Variants in RCAN3 observed in about 807,000 individuals in gnomAD.
The protein encoded by RCAN3 is calcipressin-3.
Under a neutral mutation model 21.9 loss-of-function variants are expected in RCAN3, and 19 were observed. That is an observed-to-expected ratio of 0.87 (90% CI 0.61 to 1.27). The LOEUF (loss-of-function observed/expected upper bound fraction) is 1.27. RCAN3 is among the 50% of genes most tolerant of loss of function. RCAN3 has a pLI of 0.00. For missense variants in RCAN3, 240 were observed against 300.1 expected (o/e 0.80, Z 1.48); for synonymous variants, 114 against 112.3 (o/e 1.01, Z -0.09).
In RCAN3 at chr1:24,525,912, T is replaced by G. The variant is rs562287719; in HGVS notation, c.196-5306T>G. ...TAACCATTTTTCACAAATAGGAAAC[T>G]GATGGTTTTGCCTCCAAGTTAATTC... On this transcript the variant is annotated intron_variant, in intron 2 of 4. Coordinates refer to ENST00000374395, the MANE Select transcript of RCAN3 (RefSeq NM_013441.4). This position sits in a 1 kb window ranked among gnomAD's most constrained non-coding sequence, Gnocchi z 4.1. Among the ~76,000 whole-genome samples the G allele has an allele frequency of 6.6e-6, 1 of 152,286 alleles. No homozygotes were observed. Among genetic ancestry groups the G allele is most frequent in the South Asian group, 2.1e-4 (1 of 4,826 alleles).
chr1:24,514,964 G>A (rs1648181358), intron 2 of RCAN3, among the ~76,000 whole-genome samples: 1 of 106,774 alleles, frequency 9.4e-6, no homozygotes. Context: ...GTGAGACTCT[G>A]TCTCAAAAAA....
chr1:24,518,011 A>G (rs369357345), intron 2 of RCAN3, among the ~76,000 whole-genome samples: 2 of 152,226 alleles, frequency 1.3e-5, no homozygotes, highest in South Asian at 2.1e-4. Context: ...CCCGATTGCA[A>G]TTAAACACTT....
chr1:24,530,556 A>G (rs1649680389), intron 2 of RCAN3, among the ~76,000 whole-genome samples: 1 of 152,156 alleles, frequency 6.6e-6, no homozygotes, highest in Non-Finnish European at 1.5e-5. Context: ...TTGAAGGAGG[A>G]AAGGAATGTG....
At chr1:24,506,450 T>C (rs1346735803) in intron 1 of RCAN3, among the ~76,000 whole-genome samples, 1 of 152,206 alleles carries the variant, frequency 6.6e-6, no homozygotes, top group East Asian at 1.9e-4. Flanking sequence ...TTAAATTTCC[T>C]GTTTTTGATA....
chr1:24,528,495 T>C (rs1649461036), intron 2 of RCAN3, among the ~76,000 whole-genome samples: 1 of 152,136 alleles, frequency 6.6e-6, no homozygotes, highest in African/African-American at 2.4e-5. Context: ...AGGTTAGAAG[T>C]AAAGGCTGAA....
chr1:24,524,838 T>G (rs1310715562), intron 2 of RCAN3, among the ~76,000 whole-genome samples: 2 of 149,872 alleles, frequency 1.3e-5, no homozygotes, highest in Admixed American at 6.6e-5. Flanking sequence ...GTTTTTTTTT[T>G]TTTTTTTTTG....
rs1303810774 is a variant in RCAN3 at position 24,533,128 on chromosome 1, C to T, written c.415C>T (p.Pro139Ser). Residue 139 changes from proline to serine, a missense_variant, in exon 4 of 5, where the codon CCC (proline) becomes TCC (serine). Transcript: ENST00000374395. ...GCGGGACAAGTCCTATCTCCTGCCG[C>T]CCCAGCCTGTCAAGCAGTTCCTCAT... is the stretch of plus-strand genomic sequence containing the variant. ...EVRDKSYLLP[P>S]QPVKQFLISP... 2 of 1,579,018 alleles carry T rather than the reference C, an allele frequency of 1.3e-6. No homozygotes were observed. The highest frequency in any genetic ancestry group is 1.7e-6 in the Non-Finnish European group (2 of 1,163,962).
Position 24,533,126 on chromosome 1 carries a change from C to A in RCAN3, c.413C>A (p.Pro138Gln). 6.4e-7 allele frequency: 1 copy of A among 1,565,084 alleles called. No homozygotes were observed. Among genetic ancestry groups the A allele is most frequent in the Non-Finnish European group, 8.6e-7 (1 of 1,157,874 alleles). The change falls in exon 4 of 5, where the codon CCG becomes CAG. Residue 138 changes from proline to glutamine, a missense_variant. Transcript: ENST00000374395. ...GEVRDKSYLL[P>Q]PQPVKQFLIS... is the part of the protein sequence containing the mutation. ...GTGCGGGACAAGTCCTATCTCCTGC[C>A]GCCCCAGCCTGTCAAGCAGTTCCTC...
chr1:24,505,635 A>AT (rs972048959), intron 1 of RCAN3, among the ~76,000 whole-genome samples: 1 of 152,142 alleles, frequency 6.6e-6, no homozygotes, highest in Non-Finnish European at 1.5e-5. Context: ...CACTTTATGT[A>AT]TTTTATCTTG....
In RCAN3 at chr1:24,535,335, T is replaced by C; in HGVS notation, c.*58T>C. Reference sequence around the variant, plus strand: ...GGTGGGCTCTGGCCATGGCGCTCTGTGCCTGCGGCCGATGCGTTGCTGCGA... The same window carrying C: ...GGTGGGCTCTGGCCATGGCGCTCTGCGCCTGCGGCCGATGCGTTGCTGCGA... On this transcript the variant is annotated 3_prime_UTR_variant, in exon 5 of 5. Coordinates refer to ENST00000374395, the MANE Select transcript of RCAN3 (RefSeq NM_013441.4). 6.7e-7 allele frequency: 1 copy of C among 1,481,998 alleles called. No homozygotes were observed. Among genetic ancestry groups the C allele is most frequent in the Non-Finnish European group, 8.9e-7 (1 of 1,121,342 alleles). The allele number at this position is 1,481,998 out of a possible 1,614,324, so 91.8% of individuals were successfully genotyped here.
At position 24,535,110 on chromosome 1, in the gene RCAN3, C is replaced by T. The variant is rs1650121760; in HGVS notation, c.559C>T (p.His187Tyr). The T allele has an allele frequency of 6.3e-7, 1 of 1,595,594 alleles. No homozygotes were observed. The highest frequency in any genetic ancestry group is 8.5e-7 in the Non-Finnish European group (1 of 1,173,722). Reference sequence around the variant, plus strand: ...CTCTGCAGGAGAGAAATATGAACTTCACGCGGGAACAGAGTCGACACCCAG... The same window carrying T: ...CTCTGCAGGAGAGAAATATGAACTTTACGCGGGAACAGAGTCGACACCCAG... ...KLGPGEKYEL[H>Y]AGTESTPSVV... The change falls in exon 5 of 5, where the codon CAC becomes TAC. Residue 187 changes from histidine to tyrosine, a missense_variant. Physicochemically the swap from His to Tyr is moderately conservative, Grantham distance 83. Transcript: ENST00000374395.
intron 2 of RCAN3, among the ~76,000 whole-genome samples, chr1:24,524,345 C>G (rs1402819133): frequency 1.3e-5 from 2 of 152,144 alleles, no homozygotes; most frequent in African/African-American, 4.8e-5. Flanking sequence ...AATTCAGTTA[C>G]AGGTTTCTTT....
chr1:24,512,399 T>C (rs1486627951), intron 1 of RCAN3, among the ~76,000 whole-genome samples: 1 of 152,012 alleles, frequency 6.6e-6, no homozygotes, highest in Non-Finnish European at 1.5e-5. Flanking sequence ...CGAGGTTCTT[T>C]AGGAGATTGG....
rs1650266921 is a variant in RCAN3 at position 24,536,904 on chromosome 1, T to C, written c.*1627T>C. On this transcript the variant is annotated 3_prime_UTR_variant, in exon 5 of 5. Transcript: ENST00000374395. ...GCCAACTACCACTGCTAGGCCTCAA[T>C]GTAAATTCAGTTGAAATTTGCAATT... is the stretch of plus-strand genomic sequence containing the variant. 1 of 152,166 alleles carries C rather than the reference T, an allele frequency of 6.6e-6. No homozygotes were observed. Among genetic ancestry groups the C allele is most frequent in the African/African-American group, 2.4e-5 (1 of 41,440 alleles). The allele number at this position is 152,166 out of a possible 1,614,324, so 9.4% of individuals were successfully genotyped here.
At chr1:24,514,708 C>T (rs1648154937) in intron 2 of RCAN3, 141 bp downstream of exon 2, 1 of 774,578 alleles carries the variant, frequency 1.3e-6, no homozygotes, top group Admixed American at 2.8e-5. Context: ...TTGGCTCACA[C>T]CTGTAATCCC....
chr1:24,513,104 T>G (rs769518024), intron 1 of RCAN3, among the ~76,000 whole-genome samples: 1 of 151,828 alleles, frequency 6.6e-6, no homozygotes, highest in Non-Finnish European at 1.5e-5. Flanking sequence ...GAGCGTGGTG[T>G]CGGGCGCCTG....
At chr1:24,526,721 T>C (rs1423994203) in intron 2 of RCAN3, among the ~76,000 whole-genome samples, 1 of 152,226 alleles carries the variant, frequency 6.6e-6, no homozygotes, top group Non-Finnish European at 1.5e-5. Context: ...TTAATTTCCA[T>C]TGTGTTCAAT....
intron 3 of RCAN3, among the ~76,000 whole-genome samples, chr1:24,532,809 G>T (rs569974233): frequency 1.4e-4 from 21 of 151,248 alleles, no homozygotes; most frequent in Middle Eastern, 3.5e-3. Context: ...AAAATTAGCC[G>T]GGCGTGGTGA....
intron 2 of RCAN3, among the ~76,000 whole-genome samples, chr1:24,514,771 C>A (rs889105993): frequency 6.6e-6 from 1 of 151,962 alleles, no homozygotes; most frequent in Non-Finnish European, 1.5e-5. Context: ...GAGTTCAAGA[C>A]GAGCTTGGGC....
Sources: allele counts gnomAD v4.1 joint callset (sites outside exome capture counted in the v4.1 genomes callset), GRCh38; gene constraint gnomAD v4.1.1; non-coding constraint Gnocchi (gnomAD v3.1); transcripts MANE v1.5; gene names NCBI Gene and HGNC (gene_info 2026-07-23, HGNC 2026-07-21).